The following PROX1 variants were observed in gnomAD, a reference collection of about 807,000 sequenced individuals.
PROX1 encodes the protein prospero homeobox protein 1.
Under a neutral mutation model 58.8 loss-of-function variants are expected in PROX1, and 7 were observed. The ratio of observed to expected loss-of-function variants is 0.12; its 90% CI spans 0.07 to 0.22. The LOEUF (loss-of-function observed/expected upper bound fraction) is 0.22, where lower values mean the gene tolerates loss of function less well. PROX1 is among the 10% of genes least tolerant of loss of function. The probability of loss-of-function intolerance (pLI) is 1.00; values close to 1 mark genes in which losing one functional copy is unlikely to be tolerated. For missense variants in PROX1, 675 were observed against 927.8 expected (o/e 0.73, Z 3.54); for synonymous variants, 350 against 358.3 (o/e 0.98, Z 0.26).
rs340839 is a variant in PROX1, at chr1:213,988,477, G to A, written c.-74G>A. Reference sequence around the variant, plus strand: ...GAGAGGCTCGGTCCCACTGCTCCCTGCACCGCGTAAGTATCTTCTTCTTCC... The same window carrying A: ...GAGAGGCTCGGTCCCACTGCTCCCTACACCGCGTAAGTATCTTCTTCTTCC... On this transcript the variant is annotated 5_prime_UTR_variant, in exon 1 of 5. Transcript: ENST00000366958. 0.42 allele frequency: 62,788 copies of A among 150,840 alleles called. 13,761 individuals carry two copies. The highest frequency in any genetic ancestry group is 0.55 in the South Asian group (2,619 of 4,762). 9.3% of individuals were successfully genotyped at this position (150,840 alleles called of 1,614,324 possible).
At position 214,039,915 on chromosome 1, in the gene PROX1, GAA is replaced by G. The variant is rs1048955623; in HGVS notation, c.*4083_*4084del. 3 of 152,050 alleles carry G rather than the reference GAA, an allele frequency of 2.0e-5. No individual in the cohort carries two copies. Among genetic ancestry groups the G allele is most frequent in the Admixed American group, 6.5e-5 (1 of 15,268 alleles). 9.4% of individuals were successfully genotyped at this position (152,050 alleles called of 1,614,324 possible). On this transcript the variant is annotated 3_prime_UTR_variant, in exon 5 of 5. Transcript: ENST00000366958. ...CAGGAACAATCATAAATTTATGAAA[GAA>G]AGAGTAGTTTACAGACTCCCCTGAA... is the stretch of plus-strand genomic sequence containing the variant.
chr1:214,031,401 A>G (rs147326255), intron 4 of PROX1, among the ~76,000 whole-genome samples: 2 of 152,230 alleles, frequency 1.3e-5, no homozygotes, highest in East Asian at 3.9e-4. Context: ...AGCTCCCACA[A>G]TAGCCTCAGA....
Position 214,001,378 on chromosome 1 carries a change from T to A in PROX1, c.1725+3118T>A, listed in dbSNP as rs537551605. ...TGAATCTGTTTAATCAAATATTAAG[T>A]TTTATTCAAATTCCAAAAGAAACAG... On this transcript the variant is annotated intron_variant, in intron 2 of 4. Coordinates refer to ENST00000366958, the MANE Select transcript of PROX1 (RefSeq NM_001270616.2). 3.9e-5 allele frequency among the ~76,000 whole-genome samples: 6 copies of A among 152,326 alleles called. No homozygotes were observed. In the East Asian group the frequency reaches 1.2e-3, roughly 29 times the overall value.
chr1:214,022,105 C>A (rs1180161807), intron 4 of PROX1, among the ~76,000 whole-genome samples: 1 of 152,202 alleles, frequency 6.6e-6, no homozygotes, highest in Non-Finnish European at 1.5e-5. Flanking sequence ...AGTCTTTCCA[C>A]TGTCAGTGGT....
chr1:214,024,320 C>G (rs1009649599), intron 4 of PROX1, among the ~76,000 whole-genome samples: 1 of 152,124 alleles, frequency 6.6e-6, no homozygotes, highest in African/African-American at 2.4e-5. Flanking sequence ...AAATAGAATT[C>G]CCTGGAAATA....
chr1:214,038,228 G>C lies in PROX1; in HGVS notation c.*2394G>C, dbSNP rs1482194686. 1 of 152,106 alleles carries C rather than the reference G, an allele frequency of 6.6e-6. No homozygotes were observed. Among genetic ancestry groups the C allele is most frequent in the Non-Finnish European group, 1.5e-5 (1 of 68,030 alleles). 9.4% of individuals were successfully genotyped at this position (152,106 alleles called of 1,614,324 possible). ...GAGGCATAGAAATTATTTCAGAGTA[G>C]AAATTGCAGCATGAGGATAAACTCA... On this transcript the variant is annotated 3_prime_UTR_variant, in exon 5 of 5. Coordinates refer to ENST00000366958, the MANE Select transcript of PROX1 (RefSeq NM_001270616.2).
In PROX1 at chr1:214,037,832, G is replaced by A. The variant is rs1321410053; in HGVS notation, c.*1998G>A. 6.6e-6 allele frequency: 1 copy of A among 152,204 alleles called. No individual in the cohort carries two copies. The highest frequency in any genetic ancestry group is 2.4e-5 in the African/African-American group (1 of 41,444). The allele number at this position is 152,204 out of a possible 1,614,324, so 9.4% of individuals were successfully genotyped here. A position where few individuals can be genotyped will look rare whatever the true frequency, so the allele number is the denominator to read the frequency against. ...AAAGTGGGAAGGAAAAATTCCATCA[G>A]CACAAAATAGGGAAGTAATCCCAAC... On this transcript the variant is annotated 3_prime_UTR_variant, in exon 5 of 5. Transcript: ENST00000366958.
intron 4 of PROX1, chr1:214,031,048 T>C (rs1664633846): frequency 6.6e-6 from 1 of 151,218 alleles, no homozygotes. Flanking sequence ...TGTGTGTGTG[T>C]GTGTGTGTGT....
At chr1:214,004,783 A>T (rs1282702161) in intron 2 of PROX1, among the ~76,000 whole-genome samples, 1 of 152,182 alleles carries the variant, frequency 6.6e-6, no homozygotes, top group Non-Finnish European at 1.5e-5. Flanking sequence ...TGTAATTGCA[A>T]GGAAGAAAAA....
At chr1:214,003,651 T>TA (rs11377344) in intron 2 of PROX1, among the ~76,000 whole-genome samples, 27,764 of 152,092 alleles carry the variant, frequency 0.18, 2,590 homozygotes, top group Non-Finnish European at 0.21. Flanking sequence ...AATAAAAAAA[T>TA]AAAAAACCTG....
chr1:214,035,533 T>C, intron 4 of PROX1, 116 bp from the exon 5 acceptor site: 4 of 959,128 alleles, frequency 4.2e-6, no homozygotes, highest in Non-Finnish European at 6.0e-6. Flanking sequence ...TTTTAGAAAA[T>C]GCAGGTGCCA....
At chr1:214,001,030 A>T (rs4655479) in intron 2 of PROX1, among the ~76,000 whole-genome samples, 42,547 of 151,950 alleles carry the variant, frequency 0.28, 6,171 homozygotes, top group Admixed American at 0.39. Context: ...ATTATGTTTT[A>T]ATTTTTCGTT....
rs560244834 is a variant in PROX1, at chr1:214,003,477, C to A, written c.1726-1688C>A. Among the ~76,000 whole-genome samples the A allele has an allele frequency of 2.6e-5, 4 of 152,162 alleles. No homozygotes were observed. In the South Asian group the frequency reaches 8.3e-4, roughly 32 times the overall value. On this transcript the variant is annotated intron_variant, in intron 2 of 4. Transcript: ENST00000366958. ...CAGTCTAATGGAGGTTACTGGAGGG[C>A]CTTTCAGCCCTCTCCTTGGCACAAG...
chr1:214,021,763 A>G (rs749239673), intron 4 of PROX1, among the ~76,000 whole-genome samples: 46 of 152,230 alleles, frequency 3.0e-4, no homozygotes, highest in Non-Finnish European at 5.1e-4. Flanking sequence ...AAATGATCCT[A>G]TGAGACCAGC....
At chr1:213,998,601 A>G (rs1285922426) in intron 2 of PROX1, among the ~76,000 whole-genome samples, 4 of 152,206 alleles carry the variant, frequency 2.6e-5, no homozygotes, top group South Asian at 4.1e-4. Context: ...GTAGATTTAG[A>G]GATGAGAAAA....
intron 1 of PROX1, among the ~76,000 whole-genome samples, chr1:213,989,030 C>G (rs931500152): frequency 2.6e-5 from 4 of 151,956 alleles, no homozygotes; most frequent in African/African-American, 9.7e-5. Context: ...TGTCCTTTCT[C>G]TTTGTCTTGT....
chr1:214,010,133 G>A (rs1558178095), intron 3 of PROX1, among the ~76,000 whole-genome samples: 1 of 152,098 alleles, frequency 6.6e-6, no homozygotes, highest in East Asian at 1.9e-4. Flanking sequence ...CACACAGAGT[G>A]AAAATATAAT....
Position 213,997,064 on chromosome 1 carries a change from A to G in PROX1, c.529A>G (p.Ser177Gly). ...ARVENIIRGM[S>G]HSPSVALRGN... Reference sequence around the variant, plus strand: ...GGTTGAGAATATAATTCGGGGTATGAGCCATTCCCCCAGTGTGGCATTAAG... The same window carrying G: ...GGTTGAGAATATAATTCGGGGTATGGGCCATTCCCCCAGTGTGGCATTAAG... The change falls in exon 2 of 5, where the codon AGC becomes GGC. Residue 177 changes from serine to glycine, a missense_variant. Around this residue, in one of 8 missense-constraint regions of PROX1, gnomAD observed 403 missense variants for 477.4 expected, o/e 0.84. Transcript: ENST00000366958. The surrounding 1 kb of genome is among the most constrained non-coding windows in gnomAD (Gnocchi z 7.1). The G allele has an allele frequency of 6.2e-7, 1 of 1,614,110 alleles. No individual in the cohort carries two copies. The highest frequency in any genetic ancestry group is 8.5e-7 in the Non-Finnish European group (1 of 1,180,022).
chr1:213,987,561 G>GAAAAAA (rs563448943), upstream of PROX1: 1 of 90,544 alleles, frequency 1.1e-5, no homozygotes, highest in African/African-American at 3.9e-5. Context: ...AAAAGAAAAA[G>GAAAAAA]AAAAAAAAAA....
Sources: allele counts gnomAD v4.1 joint callset (sites outside exome capture counted in the v4.1 genomes callset), GRCh38; gene constraint gnomAD v4.1.1; regional missense constraint gnomAD v4.1.1; non-coding constraint Gnocchi (gnomAD v3.1); transcripts MANE v1.5; gene names NCBI Gene and HGNC (gene_info 2026-07-23, HGNC 2026-07-21).